NAA15: variants seen among roughly 807,000 people sequenced by gnomAD.
NAA15 encodes the protein N-alpha-acetyltransferase 15, NatA auxiliary subunit.
In NAA15, 34 loss-of-function variants were observed where a neutral mutation model predicts 114.0. That is an observed-to-expected ratio of 0.30 (90% CI 0.23 to 0.40). NAA15 has a LOEUF of 0.40. Among genes scored for constraint, NAA15 ranks in the 10% least tolerant of loss-of-function variants. The probability of loss-of-function intolerance (pLI) is 1.00; values close to 1 mark genes in which losing one functional copy is unlikely to be tolerated. For synonymous variants in NAA15, 340 were observed against 338.0 expected (o/e 1.01, Z -0.06); for missense variants, 658 against 1,004.5 (o/e 0.66, Z 4.66).
intron 2 of NAA15, among the ~76,000 whole-genome samples, chr4:139,335,919 C>T (rs1448238219): frequency 6.6e-6 from 1 of 151,360 alleles, no homozygotes; most frequent in Non-Finnish European, 1.5e-5. Flanking sequence ...CCCACCACAC[C>T]TGGCTATTTT....
intron 1 of NAA15, among the ~76,000 whole-genome samples, chr4:139,324,670 G>A (rs1746731350): frequency 2.0e-5 from 3 of 152,290 alleles, no homozygotes; most frequent in South Asian, 4.1e-4. Context: ...AGTGGCTCAC[G>A]CCTGTAATCC....
chr4:139,389,513 T>C lies in NAA15; in HGVS notation c.*1429T>C, dbSNP rs1291769186. The C allele has an allele frequency of 6.6e-6, 1 of 152,596 alleles. No individual in the cohort carries two copies. Among genetic ancestry groups the C allele is most frequent in the African/African-American group, 2.4e-5 (1 of 41,444 alleles). The allele number at this position is 152,596 out of a possible 1,614,324, so 9.5% of individuals were successfully genotyped here. On this transcript the variant is annotated 3_prime_UTR_variant, in exon 20 of 20. Coordinates refer to ENST00000296543, the MANE Select transcript of NAA15 (RefSeq NM_057175.5). ...ATGCTGCTCCTGCATTAAGATTTCA[T>C]TGAGGGCAAGGCTGGTGGCAGGTAC...
intron 1 of NAA15, among the ~76,000 whole-genome samples, chr4:139,320,386 A>G (rs1746556558): frequency 6.6e-6 from 1 of 152,094 alleles, no homozygotes; most frequent in Non-Finnish European, 1.5e-5. Flanking sequence ...AGTCTTTAAT[A>G]TTGTGAGTAG....
chr4:139,312,082 G>C (rs1417506064), intron 1 of NAA15, among the ~76,000 whole-genome samples: 2 of 151,958 alleles, frequency 1.3e-5, no homozygotes, highest in East Asian at 3.9e-4. Flanking sequence ...GTGGAAGAGA[G>C]AACAAGTCAC....
At chr4:139,364,227 G>A (rs1459555452) in intron 14 of NAA15, among the ~76,000 whole-genome samples, 2 of 151,870 alleles carry the variant, frequency 1.3e-5, no homozygotes, top group East Asian at 3.9e-4. Context: ...TTTTCACTTA[G>A]GTTTTATCCT....
At chr4:139,341,198 C>T in intron 4 of NAA15, 129 bp downstream of exon 4, 3 of 614,762 alleles carry the variant, frequency 4.9e-6, no homozygotes, top group Non-Finnish European at 7.6e-6. Context: ...TTCCTCCTAC[C>T]ACAGTGGTTA....
intron 5 of NAA15, among the ~76,000 whole-genome samples, 164 bp downstream of exon 5, chr4:139,343,124 A>C (rs1560966256): frequency 6.6e-6 from 1 of 152,140 alleles, no homozygotes; most frequent in Non-Finnish European, 1.5e-5. Context: ...TACTAAACTA[A>C]TTGTTAATAT....
Position 139,370,261 on chromosome 4 carries a change from G to T in NAA15, c.1804G>T (p.Ala602Ser). The T allele has an allele frequency of 6.3e-7, 1 of 1,576,938 alleles. No homozygotes were observed. Among genetic ancestry groups the T allele is most frequent in the Non-Finnish European group, 8.6e-7 (1 of 1,165,174 alleles). ...GAAGCTACGTAATAAACAAAGAAGA[G>T]CTCAAAAGAAAGCCCAGATAGAAGA... ...LKKLRNKQRR[A>S]QKKAQIEEEK... is the part of the protein sequence containing the mutation. The change falls in exon 15 of 20, where the codon GCT (alanine) becomes TCT (serine). Residue 602 changes from alanine to serine, a missense_variant. By Grantham distance (99) the Ala-to-Ser change is moderately conservative. Transcript: ENST00000296543.
intron 1 of NAA15, among the ~76,000 whole-genome samples, chr4:139,317,513 C>T (rs1422349627): frequency 6.6e-6 from 1 of 152,086 alleles, no homozygotes; most frequent in Non-Finnish European, 1.5e-5. Flanking sequence ...CCCAGCTACT[C>T]GGAAGGCTGA....
chr4:139,308,523 A>G (rs958215298), intron 1 of NAA15, among the ~76,000 whole-genome samples: 10 of 152,234 alleles, frequency 6.6e-5, no homozygotes, highest in Non-Finnish European at 1.3e-4. Flanking sequence ...TATTTAGAAT[A>G]TAACAAAAAA....
rs1164115947 is a variant in NAA15, at chr4:139,332,572, G to GTTTTTTTTTTTTTTTTTTTTTT, written c.55-1595_55-1574dup. Among the ~76,000 whole-genome samples the GTTTTTTTTTTTTTTTTTTTTTT allele has an allele frequency of 1.3e-4, 8 of 62,012 alleles. 2 individuals are homozygous for GTTTTTTTTTTTTTTTTTTTTTT. The highest frequency in any genetic ancestry group is 5.8e-4 in the East Asian group (1 of 1,718). 40.7% of individuals were successfully genotyped at this position (62,012 alleles called of 152,430 possible). On this transcript the variant is annotated intron_variant, in intron 1 of 19. Coordinates refer to ENST00000296543, the MANE Select transcript of NAA15 (RefSeq NM_057175.5). ...ACAGTCTTGGTATTTTGGTTTGTAT[G>GTTTTTTTTTTTTTTTTTTTTTT]TTTTTTTTTTTTTTTTTTTTTTTTT...
At chr4:139,362,410 A>G (rs1034071886) in intron 14 of NAA15, among the ~76,000 whole-genome samples, 2 of 152,080 alleles carry the variant, frequency 1.3e-5, no homozygotes, top group African/African-American at 4.8e-5. Context: ...AGTAGCTGGG[A>G]TTACAGGTGC....
At chr4:139,341,449 G>A (rs1747385039) in intron 4 of NAA15, among the ~76,000 whole-genome samples, 1 of 151,318 alleles carries the variant, frequency 6.6e-6, no homozygotes, top group African/African-American at 2.4e-5. Context: ...CAAAAAATTA[G>A]CTAGGCGTGG....
At chr4:139,373,992 A>G (rs1294900241) in intron 15 of NAA15, among the ~76,000 whole-genome samples, 1 of 152,140 alleles carries the variant, frequency 6.6e-6, no homozygotes, top group Non-Finnish European at 1.5e-5. Context: ...GGTGTGAGCC[A>G]CCGCGCCCAG....
intron 14 of NAA15, among the ~76,000 whole-genome samples, chr4:139,365,227 G>A (rs1180831812): frequency 2.0e-5 from 3 of 151,918 alleles, no homozygotes; most frequent in African/African-American, 4.8e-5. Flanking sequence ...TAGTAGAGAC[G>A]GGGTTTCTCC....
chr4:139,355,942 A>C (rs1299474460), intron 10 of NAA15, among the ~76,000 whole-genome samples: 1 of 152,208 alleles, frequency 6.6e-6, no homozygotes, highest in Non-Finnish European at 1.5e-5. Context: ...ACCTGTTTAC[A>C]CAATGTTTCA....
intron 15 of NAA15, among the ~76,000 whole-genome samples, chr4:139,375,548 C>T (rs1042567917): frequency 1.3e-5 from 2 of 151,908 alleles, no homozygotes; most frequent in Non-Finnish European, 2.9e-5. Flanking sequence ...AACAGAGGCA[C>T]GTTGACCAGA....
Position 139,301,527 on chromosome 4 carries a change from A to C in NAA15, c.-251A>C. 1.8e-6 allele frequency: 1 copy of C among 551,862 alleles called. No individual in the cohort carries two copies. Among genetic ancestry groups the C allele is most frequent in the Non-Finnish European group, 3.2e-6 (1 of 311,002 alleles). 34.2% of individuals were successfully genotyped at this position (551,862 alleles called of 1,614,324 possible). On this transcript the variant is annotated 5_prime_UTR_variant, in exon 1 of 20. Coordinates refer to ENST00000296543, the MANE Select transcript of NAA15 (RefSeq NM_057175.5). The stretch of plus-strand genomic sequence containing the variant: ...TTTGGCTGCCTCTGTCGGTCTGTTC[A>C]GTTACCACGTGAACCGCCGACGGAG...
chr4:139,302,482 T>C (rs1281927908), intron 1 of NAA15: 2 of 152,134 alleles, frequency 1.3e-5, no homozygotes, highest in African/African-American at 2.4e-5. Context: ...GTTTCTGGAG[T>C]AGGGATGAGG....
Sources: allele counts gnomAD v4.1 joint callset (sites outside exome capture counted in the v4.1 genomes callset), GRCh38; gene constraint gnomAD v4.1.1; transcripts MANE v1.5; gene names NCBI Gene and HGNC (gene_info 2026-07-23, HGNC 2026-07-21).